UPK1B: variants seen among roughly 807,000 people sequenced by gnomAD.
UPK1B encodes the protein uroplakin 1B.
A neutral mutation model predicts 34.2 loss-of-function variants in UPK1B; 28 were observed. That is an observed-to-expected ratio of 0.82 (90% CI 0.61 to 1.12). UPK1B has a LOEUF of 1.12. Among genes scored for constraint, UPK1B ranks in the 50% most tolerant of loss-of-function variants. The pLI is 0.00. For missense variants in UPK1B, 325 were observed against 320.9 expected, an observed-to-expected ratio of 1.01 and a Z score of -0.10; for synonymous variants, 81 against 110.4, an observed-to-expected ratio of 0.73 and a Z score of 1.67.
At chr3:119,176,785 G>A (rs374351271) in intron 1 of UPK1B, among the ~76,000 whole-genome samples, 5 of 152,138 alleles carry the variant, frequency 3.3e-5, no homozygotes, top group Non-Finnish European at 7.3e-5. Context: ...TATAGTCAGG[G>A]AGGCATTGTT....
chr3:119,196,928 C>T (rs113205013), intron 6 of UPK1B, among the ~76,000 whole-genome samples: 7 of 152,098 alleles, frequency 4.6e-5, no homozygotes. Context: ...ATTGCAGCCT[C>T]AAGCTCCTGG....
intron 1 of UPK1B, among the ~76,000 whole-genome samples, chr3:119,184,639 T>C (rs1287019535): frequency 1.3e-5 from 2 of 150,088 alleles, no homozygotes; most frequent in African/African-American, 2.5e-5. Flanking sequence ...GGCAGGACAA[T>C]AGCTTGAACC....
intron 4 of UPK1B, 45 bp downstream of exon 4, chr3:119,190,364 T>G: frequency 6.8e-7 from 1 of 1,468,112 alleles, no homozygotes; most frequent in Non-Finnish European, 9.5e-7. Flanking sequence ...TTATCATTAT[T>G]ATAACAACCA....
At chr3:119,184,562 A>AT (rs1455169668) in intron 1 of UPK1B, among the ~76,000 whole-genome samples, 5 of 108,712 alleles carry the variant, frequency 4.6e-5, no homozygotes, top group Non-Finnish European at 9.5e-5. Flanking sequence ...TACTAAAAAT[A>AT]CAAAAAAAAA....
At chr3:119,200,285 T>TCAAGCAATCCTCC (rs1027507241) in intron 7 of UPK1B, among the ~76,000 whole-genome samples, 1 of 152,230 alleles carries the variant, frequency 6.6e-6, no homozygotes, top group African/African-American at 2.4e-5. Context: ...ACTCCTGGCC[T>TCAAGCAATCCTCC]CAAGCAATCC....
At chr3:119,198,937 T>TC (rs2078078768) in intron 6 of UPK1B, 120 bp from the exon 7 acceptor site, 1 of 1,069,980 alleles carries the variant, frequency 9.3e-7, no homozygotes, top group East Asian at 2.6e-5. Context: ...GGAAATAGCC[T>TC]GGATATGTGA....
At chr3:119,200,862 A>T (rs2078087688) in intron 7 of UPK1B, among the ~76,000 whole-genome samples, 1 of 152,236 alleles carries the variant, frequency 6.6e-6, no homozygotes, top group Non-Finnish European at 1.5e-5. Flanking sequence ...TTTCCTTTTA[A>T]TCATGCAAGT....
At chr3:119,175,007 ATTTTCTTTTTTTTTTTTTTTTT>A (rs1285516875) in intron 1 of UPK1B, among the ~76,000 whole-genome samples, 40 of 39,730 alleles carry the variant, frequency 1.0e-3, no homozygotes, top group Non-Finnish European at 1.8e-3. Context: ...TTTTTCTTTT[ATTTTCTTTTTTTTTTTTTTTTT>A]TTTTTTTTTT....
chr3:119,190,218 C>A (rs374899484), intron 3 of UPK1B, 27 bp from the exon 4 acceptor site: 2 of 1,529,178 alleles, frequency 1.3e-6, no homozygotes, highest in Non-Finnish European at 1.8e-6. Flanking sequence ...AAATGTAATT[C>A]TTTTATCTCA....
At position 119,179,393 on chromosome 3, in the gene UPK1B, ATATAT is replaced by A. The variant is rs1279053303; in HGVS notation, c.-29+5758_-29+5762del. On this transcript the variant is annotated intron_variant, in intron 1 of 7. Coordinates refer to ENST00000264234, the MANE Select transcript of UPK1B (RefSeq NM_006952.4). ...TATATATATATATATATATATATATATATATTAATTCTAAGGAATTAACCTATGTG... is the reference window on the plus strand; with the variant it reads ...TATATATATATATATATATATATATATAATTCTAAGGAATTAACCTATGTG... Among the ~76,000 whole-genome samples the A allele has an allele frequency of 5.1e-4, 48 of 94,928 alleles. 3 individuals are homozygous for A. The highest frequency in any genetic ancestry group is 7.8e-4 in the Non-Finnish European group (39 of 49,760). The allele number at this position is 94,928 out of a possible 152,430, so 62.3% of individuals were successfully genotyped here. A position where few individuals can be genotyped will look rare whatever the true frequency, so the allele number is the denominator to read the frequency against.
At chr3:119,184,697 G>C (rs1415771878) in intron 1 of UPK1B, among the ~76,000 whole-genome samples, 1 of 152,100 alleles carries the variant, frequency 6.6e-6, no homozygotes, top group Non-Finnish European at 1.5e-5. Context: ...CTGCACTGCA[G>C]CCTGGGCAAC....
At chr3:119,175,283 TC>T (rs1162375534) in intron 1 of UPK1B, among the ~76,000 whole-genome samples, 1 of 152,020 alleles carries the variant, frequency 6.6e-6, no homozygotes, top group African/African-American at 2.4e-5. Flanking sequence ...CACCTCAGCC[TC>T]CCAAAGTGCT....
chr3:119,192,423 G>A (rs2078048708), intron 5 of UPK1B, among the ~76,000 whole-genome samples: 1 of 152,050 alleles, frequency 6.6e-6, no homozygotes, highest in African/African-American at 2.4e-5. Context: ...GCTGAGAAAA[G>A]TCACACAACC....
At chr3:119,191,214 C>A in intron 5 of UPK1B, 110 bp downstream of exon 5, 1 of 1,287,992 alleles carries the variant, frequency 7.8e-7, no homozygotes, top group Non-Finnish European at 1.1e-6. Context: ...TGATGATTAG[C>A]TTACATTTGT....
At chr3:119,175,073 G>T (rs2077949343) in intron 1 of UPK1B, among the ~76,000 whole-genome samples, 1 of 126,388 alleles carries the variant, frequency 7.9e-6, no homozygotes. Context: ...TGAGGCCCAG[G>T]CTGGAGTGCA....
intron 4 of UPK1B, 109 bp downstream of exon 4, chr3:119,190,428 A>C: frequency 1.5e-6 from 1 of 688,450 alleles, no homozygotes; most frequent in Non-Finnish European, 2.4e-6. Flanking sequence ...CACAGTAATA[A>C]TACATCTATC....
chr3:119,182,327 C>G (rs1194153975), intron 1 of UPK1B, among the ~76,000 whole-genome samples: 1 of 152,214 alleles, frequency 6.6e-6, no homozygotes, highest in Non-Finnish European at 1.5e-5. Context: ...AGACCAGTCA[C>G]TGTTAAAACC....
In UPK1B at chr3:119,178,937, C is replaced by T. The variant is rs112126518; in HGVS notation, c.-29+5299C>T. 3.4e-3 allele frequency among the ~76,000 whole-genome samples: 522 copies of T among 152,136 alleles called. 1 individual carries two copies. The highest frequency in any genetic ancestry group is 0.012 in the African/African-American group (486 of 41,520). On this transcript the variant is annotated intron_variant, in intron 1 of 7. Coordinates refer to ENST00000264234, the MANE Select transcript of UPK1B (RefSeq NM_006952.4). ...GAATTGGTAAAATGGTATCAGGAGA[C>T]ATCAGAAAATGATCATATGTGCTTC...
chr3:119,203,109 G>A (rs142578970), intron 7 of UPK1B, among the ~76,000 whole-genome samples: 8,309 of 152,026 alleles, frequency 0.055, 297 homozygotes, highest in South Asian at 0.12. Context: ...TTGGGAGGCC[G>A]AGACGGGCAA....
Sources: gnomAD v4.1 joint callset for allele counts (sites outside exome capture counted in the v4.1 genomes callset) on GRCh38, gnomAD v4.1.1 for gene constraint, MANE v1.5 for transcripts, NCBI Gene and HGNC (gene_info 2026-07-23, HGNC 2026-07-21) for gene names.